Variants in SHISA9 observed in about 807,000 individuals in gnomAD.
The protein encoded by SHISA9 is shisa family member 9, also known as protein shisa-9.
Under a neutral mutation model 38.0 loss-of-function variants are expected in SHISA9, and 13 were observed. The ratio of observed to expected loss-of-function variants is 0.34; its 90% CI spans 0.22 to 0.54. The LOEUF is 0.54. SHISA9 is among the 20% of genes least tolerant of loss of function. SHISA9 has a pLI of 0.91. For missense variants in SHISA9, 538 were observed against 575.8 expected (o/e 0.93, Z 0.67); for synonymous variants, 275 against 242.0 (o/e 1.14, Z -1.27).
chr16:13,289,318 A>AAACTGAGTCC, the SHISA9 span, among the ~76,000 whole-genome samples: 10 of 146,200 alleles, frequency 6.8e-5, no homozygotes, highest in Non-Finnish European at 1.1e-4. Flanking sequence ...CAAGTGACCT[A>AAACTGAGTCC]AACTGAGTCC....
At chr16:13,018,326 C>T (rs1006463454) in intron 2 of SHISA9, among the ~76,000 whole-genome samples, 5 of 152,232 alleles carry the variant, frequency 3.3e-5, no homozygotes, top group African/African-American at 4.8e-5. Context: ...TCTAGTCTCA[C>T]GCAGGTTGGC....
the SHISA9 span, among the ~76,000 whole-genome samples, chr16:13,432,925 G>A: frequency 6.6e-6 from 1 of 152,088 alleles, no homozygotes; most frequent in Admixed American, 6.5e-5. Context: ...AGGGTGGAGG[G>A]TGAGAGGAGG....
chr16:13,371,748 A>C, the SHISA9 span, among the ~76,000 whole-genome samples: 3 of 152,248 alleles, frequency 2.0e-5, no homozygotes, highest in Non-Finnish European at 2.9e-5. Context: ...TGTGAGCTCA[A>C]CGGGGAGATG....
At chr16:13,258,686 A>G in the SHISA9 span, among the ~76,000 whole-genome samples, 1 of 152,204 alleles carries the variant, frequency 6.6e-6, no homozygotes, top group Non-Finnish European at 1.5e-5. Context: ...CACTTCTTAC[A>G]TGGTGGTAGC....
chr16:13,417,289 G>A, the SHISA9 span, among the ~76,000 whole-genome samples: 1 of 152,174 alleles, frequency 6.6e-6, no homozygotes, highest in Non-Finnish European at 1.5e-5. Context: ...TTTGTCACTC[G>A]AGGGAATTTA....
rs531586298 is a variant in SHISA9 at position 13,088,916 on chromosome 16, T to C, written c.692-114478T>C. The stretch of plus-strand genomic sequence containing the variant: ...TTTTCAAAGGGAATGCTTCCACTTT[T>C]TGCCCATTCAGTATGATATTGGCTG... On this transcript the variant is annotated intron_variant, in intron 2 of 4. Transcript: ENST00000558583. Among the ~76,000 whole-genome samples, 58 of 152,352 alleles carry C rather than the reference T, an allele frequency of 3.8e-4. 1 individual carries two copies. Among genetic ancestry groups the C allele is most frequent in the Admixed American group, 7.2e-4 (11 of 15,310 alleles).
chr16:13,399,233 T>A, the SHISA9 span, among the ~76,000 whole-genome samples: 51 of 151,232 alleles, frequency 3.4e-4, 2 homozygotes, highest in East Asian at 8.6e-3. Flanking sequence ...GCCTGAATGA[T>A]AGAGTGAGAC....
chr16:13,066,252 G>C (rs2073433642), intron 2 of SHISA9, among the ~76,000 whole-genome samples: 1 of 152,206 alleles, frequency 6.6e-6, no homozygotes, highest in South Asian at 2.1e-4. Context: ...TTGACATGTA[G>C]TGTGAATCAG....
At chr16:13,369,393 C>G in the SHISA9 span, among the ~76,000 whole-genome samples, 1 of 152,020 alleles carries the variant, frequency 6.6e-6, no homozygotes, top group Non-Finnish European at 1.5e-5. Context: ...TTAAATGAAT[C>G]TATATTCTTT....
the SHISA9 span, among the ~76,000 whole-genome samples, chr16:13,515,485 G>A: frequency 6.6e-6 from 1 of 151,964 alleles, no homozygotes; most frequent in African/African-American, 2.4e-5. Context: ...TGTTATGTGG[G>A]TACCATTATC....
chr16:13,168,484 C>A (rs1312246672), intron 2 of SHISA9, among the ~76,000 whole-genome samples: 1 of 152,200 alleles, frequency 6.6e-6, no homozygotes, highest in East Asian at 1.9e-4. Flanking sequence ...ATCACATGGT[C>A]CATGTCTACC....
In SHISA9 at chr16:13,172,719, T is replaced by C. The variant is rs138570145; in HGVS notation, c.692-30675T>C. ...TACCAAGAACAATCATATGACTTAA[T>C]TACAATTCACTTATCTTGATGATTT... On this transcript the variant is annotated intron_variant, in intron 2 of 4. Coordinates refer to ENST00000558583, the MANE Select transcript of SHISA9 (RefSeq NM_001145204.3). Among the ~76,000 whole-genome samples the C allele has an allele frequency of 3.2e-3, 480 of 151,724 alleles. 2 individuals are homozygous for C. The highest frequency in any genetic ancestry group is 6.8e-3 in the Middle Eastern group (2 of 294).
rs2051397139 is a variant in SHISA9, at chr16:13,237,517, G to C, written c.*2108G>C. ...GTCTCTACTAAAAATACAAACATTA[G>C]CTGGGCATGGTGGTGGGTGCCTGTA... On this transcript the variant is annotated 3_prime_UTR_variant, in exon 5 of 5. Coordinates refer to ENST00000558583, the MANE Select transcript of SHISA9 (RefSeq NM_001145204.3). The C allele has an allele frequency of 6.6e-6, 1 of 152,014 alleles. No individual in the cohort carries two copies. The highest frequency in any genetic ancestry group is 2.1e-4 in the South Asian group (1 of 4,790). The allele number at this position is 152,014 out of a possible 1,614,324, so 9.4% of individuals were successfully genotyped here. A position where few individuals can be genotyped will look rare whatever the true frequency, so the allele number is the denominator to read the frequency against.
At chr16:13,319,362 C>T in the SHISA9 span, among the ~76,000 whole-genome samples, 1 of 152,140 alleles carries the variant, frequency 6.6e-6, no homozygotes, top group Non-Finnish European at 1.5e-5. Context: ...GAAATCATTT[C>T]GGCCTACCAC....
the SHISA9 span, among the ~76,000 whole-genome samples, chr16:13,392,490 C>A: frequency 6.6e-6 from 1 of 152,142 alleles, no homozygotes; most frequent in Non-Finnish European, 1.5e-5. Context: ...AGACCTTTTA[C>A]TGAATTCAGT....
the SHISA9 span, among the ~76,000 whole-genome samples, chr16:13,430,226 A>C: frequency 5.3e-5 from 8 of 152,216 alleles, no homozygotes; most frequent in South Asian, 4.1e-4. Context: ...TACTTTCTTA[A>C]GGCAGCCCCT....
intron 2 of SHISA9, among the ~76,000 whole-genome samples, chr16:13,047,696 C>T (rs111446123): frequency 7.2e-4 from 110 of 152,280 alleles, no homozygotes; most frequent in Non-Finnish European, 1.2e-3. Flanking sequence ...AAGTACCTCC[C>T]GTGTGCCAGG....
At chr16:13,035,599 C>T (rs941749760) in intron 2 of SHISA9, among the ~76,000 whole-genome samples, 1 of 151,548 alleles carries the variant, frequency 6.6e-6, no homozygotes, top group South Asian at 2.1e-4. Flanking sequence ...GGAGTGATGT[C>T]GGCTCACTGC....
the SHISA9 span, among the ~76,000 whole-genome samples, chr16:13,559,897 T>C: frequency 6.6e-6 from 1 of 152,208 alleles, no homozygotes; most frequent in African/African-American, 2.4e-5. Context: ...GTCAGTCACA[T>C]CAACTGGAAA....
Sources: gnomAD v4.1 joint callset for allele counts (sites outside exome capture counted in the v4.1 genomes callset) on GRCh38, gnomAD v4.1.1 for gene constraint, MANE v1.5 for transcripts, NCBI Gene and HGNC (gene_info 2026-07-23, HGNC 2026-07-21) for gene names.